The following ACTA2 variants were observed in gnomAD, a reference collection of about 807,000 sequenced individuals.
ACTA2 encodes the protein actin alpha 2, smooth muscle.
Under a neutral mutation model 39.5 loss-of-function variants are expected in ACTA2, and 12 were observed. That is an observed-to-expected ratio of 0.30 (90% CI 0.19 to 0.49). The LOEUF (loss-of-function observed/expected upper bound fraction) is 0.49, where lower values mean the gene tolerates loss of function less well. Among genes scored for constraint, ACTA2 ranks in the 20% least tolerant of loss-of-function variants. The pLI, the probability that ACTA2 is intolerant of heterozygous loss-of-function variation, is 0.99. For synonymous variants in ACTA2, 158 were observed against 180.6 expected (o/e 0.88, Z 1.00); for missense variants, 236 against 498.8 (o/e 0.47, Z 5.02).
intron 1 of ACTA2, among the ~76,000 whole-genome samples, chr10:88,962,003 T>C (rs185368200): frequency 2.6e-4 from 39 of 152,288 alleles, no homozygotes; most frequent in African/African-American, 9.1e-4. Context: ...GTAATCTATA[T>C]TCCAAAATCT....
intron 4 of ACTA2, 136 bp from the exon 5 acceptor site, chr10:88,942,005 G>C: frequency 1.3e-6 from 1 of 752,432 alleles, no homozygotes; most frequent in Non-Finnish European, 2.3e-6. Flanking sequence ...AGGAGGTTCA[G>C]AACAGCCCTG....
At chr10:88,957,023 C>A (rs1227094830), upstream of ACTA2, among the ~76,000 whole-genome samples, 1 of 152,206 alleles carries the variant, frequency 6.6e-6, no homozygotes, top group Non-Finnish European at 1.5e-5. Flanking sequence ...TCTCTCAACA[C>A]TGTTGCCCTA....
chr10:88,941,499 T>A, intron 5 of ACTA2, 109 bp from the exon 6 acceptor site: 1 of 1,427,234 alleles, frequency 7.0e-7, no homozygotes, highest in Non-Finnish European at 9.8e-7. Context: ...GCCTCTTATT[T>A]AAAAAGAGAA....
chr10:88,988,990 G>A lies in ACTA2; in HGVS notation c.-24+1949C>T, dbSNP rs1303317866. Among the ~76,000 whole-genome samples, 11 of 152,190 alleles carry A rather than the reference G, an allele frequency of 7.2e-5. No homozygotes were observed. In the South Asian group the frequency reaches 2.1e-3, roughly 29 times the overall value. ...TAGACGTACGTGGGCAGAGGGTAGG[G>A]GAAGGGGGTATGGCATAGAAAGAGC... On this transcript the variant is annotated intron_variant, in intron 1 of 4. Coordinates refer to the ACTA2 transcript ENST00000415557.
At chr10:88,989,498 C>T (rs754023764) in intron 1 of ACTA2, 40 of 544,292 alleles carry the variant, frequency 7.3e-5, no homozygotes, top group East Asian at 6.8e-4. Context: ...AAGGCTGGCA[C>T]GCCCAGGGTC....
chr10:88,969,961 C>T (rs1846395342), intron 1 of ACTA2, among the ~76,000 whole-genome samples: 2 of 152,162 alleles, frequency 1.3e-5, no homozygotes, highest in African/African-American at 4.8e-5. Flanking sequence ...GAATGAATGC[C>T]TCTAACTCTT....
chr10:88,984,832 T>C (rs1337879799), intron 1 of ACTA2, among the ~76,000 whole-genome samples: 4 of 152,166 alleles, frequency 2.6e-5, no homozygotes, highest in African/African-American at 9.7e-5. Flanking sequence ...TGGGAGACCA[T>C]GGGAGGGGAG....
chr10:88,969,146 T>A (rs1418728670), intron 1 of ACTA2, among the ~76,000 whole-genome samples: 1 of 152,134 alleles, frequency 6.6e-6, no homozygotes, highest in Admixed American at 6.6e-5. Flanking sequence ...AGGATCTTGA[T>A]TATTGAGGCA....
At chr10:88,950,940 T>C (rs1846038859) in intron 1 of ACTA2, among the ~76,000 whole-genome samples, 2 of 152,210 alleles carry the variant, frequency 1.3e-5, no homozygotes, top group Admixed American at 1.3e-4. Flanking sequence ...TGTGATTATT[T>C]TCATTATCCA....
chr10:88,948,434 T>G (rs913927616), intron 2 of ACTA2: 3 of 287,240 alleles, frequency 1.0e-5, no homozygotes, highest in African/African-American at 4.4e-5. Context: ...CCCTGTATGG[T>G]TAAGTGACCT....
intron 4 of ACTA2, 46 bp from the exon 5 acceptor site, chr10:88,941,915 A>G: frequency 6.4e-7 from 1 of 1,551,386 alleles, no homozygotes; most frequent in Non-Finnish European, 8.8e-7. Flanking sequence ...TGCCCATCTG[A>G]CAAAGAATGG....
intron 8 of ACTA2, among the ~76,000 whole-genome samples, chr10:88,937,750 G>A (rs889426378): frequency 5.3e-5 from 8 of 152,234 alleles, no homozygotes; most frequent in Middle Eastern, 3.4e-3. Context: ...TTTTTGTGTC[G>A]AGAAAAACAA....
intron 1 of ACTA2, among the ~76,000 whole-genome samples, chr10:88,980,816 C>A (rs1416225611): frequency 6.6e-6 from 1 of 152,156 alleles, no homozygotes; most frequent in Admixed American, 6.5e-5. Flanking sequence ...CCAAATGAAT[C>A]TGGATTTATC....
intron 1 of ACTA2, among the ~76,000 whole-genome samples, chr10:88,980,252 A>G (rs1371828138): frequency 1.3e-5 from 2 of 152,234 alleles, no homozygotes; most frequent in Admixed American, 6.5e-5. Context: ...AAGTCAGGGC[A>G]TGAGGTATAG....
Position 88,963,249 on chromosome 10 carries a change from C to T in ACTA2, c.-23-14296G>A, listed in dbSNP as rs912923994. On this transcript the variant is annotated intron_variant, in intron 1 of 4. Transcript: ENST00000415557. ...GCCAATTTTCTGGGAAGCTTTTGAGCAGCATAGGTTTGGAGCAAATGCCTA... is the reference window on the plus strand; with the variant it reads ...GCCAATTTTCTGGGAAGCTTTTGAGTAGCATAGGTTTGGAGCAAATGCCTA... Among the ~76,000 whole-genome samples the T allele has an allele frequency of 2.0e-5, 3 of 151,690 alleles. No homozygotes were observed. The East Asian group carries it at 5.8e-4, about 30-fold the overall frequency.
intron 1 of ACTA2, among the ~76,000 whole-genome samples, chr10:88,960,512 G>A (rs1003473326): frequency 2.0e-5 from 3 of 152,118 alleles, no homozygotes; most frequent in Non-Finnish European, 4.4e-5. Context: ...GGAGAAAAAA[G>A]CCATACCAAG....
chr10:88,976,275 A>C (rs1846561688), intron 1 of ACTA2, among the ~76,000 whole-genome samples: 1 of 152,222 alleles, frequency 6.6e-6, no homozygotes, highest in Non-Finnish European at 1.5e-5. Context: ...CTGCATTCAA[A>C]GCCATCCTGG....
At chr10:88,976,795 A>T (rs1846574601) in intron 1 of ACTA2, among the ~76,000 whole-genome samples, 1 of 152,232 alleles carries the variant, frequency 6.6e-6, no homozygotes, top group Non-Finnish European at 1.5e-5. Context: ...AACCAAATGT[A>T]AAGGTCCAGG....
At chr10:88,939,367 T>G in intron 7 of ACTA2, 140 bp downstream of exon 7, 1 of 1,102,216 alleles carries the variant, frequency 9.1e-7, no homozygotes. Flanking sequence ...GCCTTGAAAA[T>G]GTGGCACTTT....
Sources: gnomAD v4.1 joint callset for allele counts (sites outside exome capture counted in the v4.1 genomes callset) on GRCh38, gnomAD v4.1.1 for gene constraint, MANE v1.5 for transcripts, NCBI Gene and HGNC (gene_info 2026-07-23, HGNC 2026-07-21) for gene names.